Variants in SUN2 observed in about 807,000 individuals in gnomAD.
SUN2 encodes the protein Sad1 and UNC84 domain containing 2, also known as SUN domain-containing protein 2.
In SUN2, 60 loss-of-function variants were observed where a neutral mutation model predicts 100.0. That is an observed-to-expected ratio of 0.60 (90% CI 0.49 to 0.74). SUN2 has a LOEUF of 0.74. Ranked by LOEUF, SUN2 falls within the 30% of genes least tolerant of loss-of-function variation. The pLI is 0.00. For missense variants in SUN2, 834 were observed against 954.6 expected (o/e 0.87, Z 1.66); for synonymous variants, 367 against 403.3 (o/e 0.91, Z 1.08).
intron 1 of SUN2, among the ~76,000 whole-genome samples, chr22:38,753,682 A>G (rs996252731): frequency 3.3e-5 from 5 of 152,126 alleles, no homozygotes; most frequent in African/African-American, 9.7e-5. Flanking sequence ...GTCTGCTGGG[A>G]CCGGGCTCCT....
chr22:38,740,792 G>GC lies in SUN2; in HGVS notation c.1190+214dup, dbSNP rs1276216633. 5 of 605,644 alleles carry GC rather than the reference G, an allele frequency of 8.3e-6. No individual in the cohort carries two copies. Among genetic ancestry groups the GC allele is most frequent in the Admixed American group, 5.8e-5 (2 of 34,220 alleles). 37.5% of individuals were successfully genotyped at this position (605,644 alleles called of 1,614,324 possible). The stretch of plus-strand genomic sequence containing the variant: ...GAATCCCGGTCCTCTCACACAGCCT[G>GC]CCCCCCGCCCTCAGGACCCCCCTGC... On this transcript the variant is annotated intron_variant, in intron 11 of 17. Coordinates refer to ENST00000689035, the MANE Select transcript of SUN2 (RefSeq NM_015374.3). The surrounding 1 kb of genome is among the most constrained non-coding windows in gnomAD (Gnocchi z 4.8).
rs1569296031 is a variant in SUN2 at position 38,739,818 on chromosome 22, G to GGTGA, written c.1478_1481dup (p.Val496ProfsTer47). 8 of 1,613,616 alleles carry GGTGA rather than the reference G, an allele frequency of 5.0e-6. No individual in the cohort carries two copies. The highest frequency in any genetic ancestry group is 6.8e-6 in the Non-Finnish European group (8 of 1,180,020). ...ACTTGCCCTGCATCTCTGCCACATG[G>GGTGA]GTGAGGATCTTGCTCTCCAGCTCTC... On this transcript the variant is annotated frameshift_variant, in exon 13 of 18. Coordinates refer to ENST00000689035, the MANE Select transcript of SUN2 (RefSeq NM_015374.3). LOFTEE classifies it high-confidence loss of function. This position sits in a 1 kb window ranked among gnomAD's most constrained non-coding sequence, Gnocchi z 6.7.
In SUN2 at chr22:38,735,541, G is replaced by A. The variant is rs542862478; in HGVS notation, c.*726C>T. The A allele has an allele frequency of 9.0e-5, 22 of 243,788 alleles. 1 individual carries two copies. The East Asian group carries it at 1.3e-3, about 15-fold the overall frequency. The allele number at this position is 243,788 out of a possible 1,614,324, so 15.1% of individuals were successfully genotyped here. ...CAGGGTGGGCCCCAACCTAGCATCA[G>A]GAGAGAGAAAAGCAACTACCGTCCC... is the stretch of plus-strand genomic sequence containing the variant. On this transcript the variant is annotated 3_prime_UTR_variant, in exon 18 of 18. Transcript: ENST00000689035.
In SUN2 at chr22:38,755,723, C is replaced by T. The variant is rs1269480857; in HGVS notation, c.-38+40G>A. ...ACGGTGACCCGGGGTCAGGCCGGGC[C>T]GCGGCCCCCCAACCCTCTCCTGAGC... is the stretch of plus-strand genomic sequence containing the variant. On this transcript the variant is annotated intron_variant, in intron 1 of 17. Transcript: ENST00000689035. This position sits in a 1 kb window ranked among gnomAD's most constrained non-coding sequence, Gnocchi z 5.7. The T allele has an allele frequency of 1.2e-5, 12 of 985,052 alleles. No individual in the cohort carries two copies. The highest frequency in any genetic ancestry group is 1.4e-5 in the Non-Finnish European group (12 of 829,868). 61.0% of individuals were successfully genotyped at this position (985,052 alleles called of 1,614,324 possible).
rs1423011531 is a variant in SUN2, at chr22:38,755,344, GTT to G, written c.-38+417_-38+418del. Reference sequence around the variant, plus strand: ...ACCGCGCCCCCCATTGCTTTGTTTTGTTTTGTTTTAGAACTGAACAAAACGGG... The same window carrying G: ...ACCGCGCCCCCCATTGCTTTGTTTTGTTGTTTTAGAACTGAACAAAACGGG... On this transcript the variant is annotated intron_variant, in intron 1 of 17. Coordinates refer to ENST00000689035, the MANE Select transcript of SUN2 (RefSeq NM_015374.3). The surrounding 1 kb of genome is among the most constrained non-coding windows in gnomAD (Gnocchi z 5.7). 2.7e-5 allele frequency: 29 copies of G among 1,090,430 alleles called. No individual in the cohort carries two copies. The highest frequency in any genetic ancestry group is 2.9e-5 in the Non-Finnish European group (26 of 891,010). 67.5% of individuals were successfully genotyped at this position (1,090,430 alleles called of 1,614,324 possible).
In SUN2 at chr22:38,739,779, G is replaced by A. The variant is rs759255520; in HGVS notation, c.1521C>T (p.Ala507=). The A allele has an allele frequency of 4.6e-5, 74 of 1,613,506 alleles. No homozygotes were observed. The South Asian group carries it at 5.5e-4, about 12-fold the overall frequency. The change falls in exon 13 of 18, where the codon GCC becomes GCT. Residue 507 remains alanine, a synonymous_variant. Transcript: ENST00000689035. This position sits in a 1 kb window ranked among gnomAD's most constrained non-coding sequence, Gnocchi z 6.7. ...GCAGCGTCAGGCTCAGGGAGGCCGC[G>A]GCTTCCCTGGCCGACTTGCCCTGCA... ...AEMQGKSARE[A]AASLSLTLQK... is the part of the protein sequence containing the mutation.
intron 1 of SUN2, among the ~76,000 whole-genome samples, chr22:38,753,465 C>T (rs2092963427): frequency 1.3e-5 from 2 of 152,110 alleles, no homozygotes; most frequent in African/African-American, 4.8e-5. Flanking sequence ...ATCTGTCCAC[C>T]TCGGCTTCCC....
Position 38,748,258 on chromosome 22 carries a change from G to C in SUN2, c.685+455C>G, listed in dbSNP as rs950300347. Among the ~76,000 whole-genome samples, 3 of 152,246 alleles carry C rather than the reference G, an allele frequency of 2.0e-5. No individual in the cohort carries two copies. In the East Asian group the frequency reaches 5.8e-4, roughly 29 times the overall value. ...GAACCTGAGAGGTGGAGGTTGTGGT[G>C]AGCTGACATCGCGCCATTGCACTCC... On this transcript the variant is annotated intron_variant, in intron 7 of 17. Transcript: ENST00000689035.
rs778676789 is a variant in SUN2 at position 38,736,136 on chromosome 22, C to G, written c.*131G>C. On this transcript the variant is annotated 3_prime_UTR_variant, in exon 18 of 18. Coordinates refer to ENST00000689035, the MANE Select transcript of SUN2 (RefSeq NM_015374.3). ...CTCAGGAGACCCTGCCCGTCCTTTTCATCTGCATGGGGCCACAGGCTCCTC... is the reference window on the plus strand; with the variant it reads ...CTCAGGAGACCCTGCCCGTCCTTTTGATCTGCATGGGGCCACAGGCTCCTC... The G allele has an allele frequency of 7.8e-6, 7 of 900,516 alleles. No homozygotes were observed. The South Asian group carries it at 9.9e-5, about 13-fold the overall frequency. 55.8% of individuals were successfully genotyped at this position (900,516 alleles called of 1,614,324 possible). A position where few individuals can be genotyped will look rare whatever the true frequency, so the allele number is the denominator to read the frequency against.
In SUN2 at chr22:38,738,760, G is replaced by A; in HGVS notation, c.1780-6C>T. 6.2e-7 allele frequency: 1 copy of A among 1,612,840 alleles called. No homozygotes were observed. Among genetic ancestry groups the A allele is most frequent in the East Asian group, 2.2e-5 (1 of 44,840 alleles). Reference sequence around the variant, plus strand: ...TTGCCTGGGTGCACATCTGGCTGGAGGAGCAGAAAGTCATGTCAGGACAGG... The same window carrying A: ...TTGCCTGGGTGCACATCTGGCTGGAAGAGCAGAAAGTCATGTCAGGACAGG... On this transcript the variant is annotated splice_region_variant and splice_polypyrimidine_tract_variant and intron_variant, in intron 15 of 17. Transcript: ENST00000689035. This position sits in a 1 kb window ranked among gnomAD's most constrained non-coding sequence, Gnocchi z 6.6.
At chr22:38,742,157 AAAAG>A (rs1477213039) in intron 9 of SUN2, 140 bp downstream of exon 9, 49 of 1,129,356 alleles carry the variant, frequency 4.3e-5, no homozygotes, top group African/African-American at 6.3e-5. Context: ...AGAAAAAAAA[AAAAG>A]AAAAAAAGAG....
rs867376059 is a variant in SUN2 at position 38,736,234 on chromosome 22, C to T, written c.*33G>A. On this transcript the variant is annotated 3_prime_UTR_variant, in exon 18 of 18. Transcript: ENST00000689035. Reference sequence around the variant, plus strand: ...CGGCGGGGTGCTGTTCACCCACTCCCAGATGGCTGGCAGCAGGCACCAGTA... The same window carrying T: ...CGGCGGGGTGCTGTTCACCCACTCCTAGATGGCTGGCAGCAGGCACCAGTA... 23 of 1,596,478 alleles carry T rather than the reference C, an allele frequency of 1.4e-5. No homozygotes were observed. Among genetic ancestry groups the T allele is most frequent in the Non-Finnish European group, 1.9e-5 (22 of 1,167,246 alleles).
chr22:38,738,554 C>T lies in SUN2; in HGVS notation c.1947+33G>A. On this transcript the variant is annotated intron_variant, in intron 16 of 17. Coordinates refer to ENST00000689035, the MANE Select transcript of SUN2 (RefSeq NM_015374.3). The surrounding 1 kb of genome is among the most constrained non-coding windows in gnomAD (Gnocchi z 6.6). ...AGAGGCCCACAGGATCCCCCTGCAGCCCCTCTGGCCCCACCACAGGACAGA... is the reference window on the plus strand; with the variant it reads ...AGAGGCCCACAGGATCCCCCTGCAGTCCCTCTGGCCCCACCACAGGACAGA... The T allele has an allele frequency of 6.3e-7, 1 of 1,597,280 alleles. No homozygotes were observed. Among genetic ancestry groups the T allele is most frequent in the Non-Finnish European group, 8.6e-7 (1 of 1,167,792 alleles).
Position 38,739,710 on chromosome 22 carries a change from T to C in SUN2, c.1578+12A>G. On this transcript the variant is annotated intron_variant, in intron 13 of 17. Coordinates refer to ENST00000689035, the MANE Select transcript of SUN2 (RefSeq NM_015374.3). This position sits in a 1 kb window ranked among gnomAD's most constrained non-coding sequence, Gnocchi z 6.7. ...GTGGGTGGGTGTGTGGAGAGGGGCA[T>C]GTGGGCCTCACCTCCTCTGTCACTC... 1 of 1,612,048 alleles carries C rather than the reference T, an allele frequency of 6.2e-7. No individual in the cohort carries two copies. Among genetic ancestry groups the C allele is most frequent in the East Asian group, 2.2e-5 (1 of 44,852 alleles).
intron 7 of SUN2, 30 bp from the exon 8 acceptor site, chr22:38,745,841 G>A: frequency 1.1e-5 from 18 of 1,608,806 alleles, no homozygotes; most frequent in Non-Finnish European, 1.4e-5. Context: ...TGTTACCCCA[G>A]CTGGGCCTCC....
At chr22:38,747,556 T>A (rs1015207391) in intron 7 of SUN2, among the ~76,000 whole-genome samples, 1 of 152,210 alleles carries the variant, frequency 6.6e-6, no homozygotes, top group African/African-American at 2.4e-5. Context: ...AATTACTTGG[T>A]GCAGTCATTA....
chr22:38,750,939 A>T lies in SUN2; in HGVS notation c.383T>A (p.Leu128Gln). 1 of 1,614,010 alleles carries T rather than the reference A, an allele frequency of 6.2e-7. No individual in the cohort carries two copies. The highest frequency in any genetic ancestry group is 8.5e-7 in the Non-Finnish European group (1 of 1,180,026). ...AGAGGAGTAGCCCGAGGAAGAGCCC[A>T]GGAAGTCCTCGGTGGCCTTGCGCCC... ...LVGRKATEDF[L>Q]GSSSGYSSED... The change falls in exon 4 of 18, where the codon CTG (leucine) becomes CAG (glutamine). Residue 128 changes from leucine to glutamine, a missense_variant. Physicochemically the swap from Leu to Gln is moderately radical, Grantham distance 113. Around this residue, in one of 3 missense-constraint regions of SUN2, gnomAD observed 559 missense variants for 597.7 expected, o/e 0.94. Coordinates refer to ENST00000689035, the MANE Select transcript of SUN2 (RefSeq NM_015374.3).
intron 10 of SUN2, among the ~76,000 whole-genome samples, 171 bp from the exon 11 acceptor site, chr22:38,741,221 C>T (rs897086009): frequency 5.9e-5 from 9 of 151,892 alleles, no homozygotes; most frequent in Non-Finnish European, 1.2e-4. Flanking sequence ...TCATGAGTCT[C>T]GTCCATGTCT....
Position 38,738,509 on chromosome 22 carries a change from C to G in SUN2, c.1947+78G>C, listed in dbSNP as rs2092826737. On this transcript the variant is annotated intron_variant, in intron 16 of 17. Transcript: ENST00000689035. This position sits in a 1 kb window ranked among gnomAD's most constrained non-coding sequence, Gnocchi z 6.6. Reference sequence around the variant, plus strand: ...CCCTCCCTTCCAGTCCAAGGGTGACCCTGACTTGATCCTCAGTAGAGAGGC... The same window carrying G: ...CCCTCCCTTCCAGTCCAAGGGTGACGCTGACTTGATCCTCAGTAGAGAGGC... The G allele has an allele frequency of 6.4e-7, 1 of 1,552,600 alleles. No homozygotes were observed. The highest frequency in any genetic ancestry group is 8.8e-7 in the Non-Finnish European group (1 of 1,141,672).
Sources: gnomAD v4.1 joint callset for allele counts (sites outside exome capture counted in the v4.1 genomes callset) on GRCh38, gnomAD v4.1.1 for gene constraint, gnomAD v4.1.1 regional missense constraint, Gnocchi (gnomAD v3.1) non-coding constraint, MANE v1.5 for transcripts, NCBI Gene and HGNC (gene_info 2026-07-23, HGNC 2026-07-21) for gene names.